MYO1B: variants seen among roughly 807,000 people sequenced by gnomAD.
MYO1B encodes the protein myosin IB, also known as unconventional myosin-Ib.
Under a neutral mutation model 159.7 loss-of-function variants are expected in MYO1B, and 72 were observed. That is an observed-to-expected ratio of 0.45 (90% CI 0.37 to 0.55). MYO1B has a LOEUF of 0.55. MYO1B is among the 20% of genes least tolerant of loss of function. MYO1B has a pLI of 0.00. For missense variants in MYO1B, 1,062 were observed against 1,364.8 expected, an observed-to-expected ratio of 0.78 and a Z score of 3.50; for synonymous variants, 468 against 473.8, an observed-to-expected ratio of 0.99 and a Z score of 0.16.
At chr2:191,403,544 A>C (rs1314169881) in intron 24 of MYO1B, among the ~76,000 whole-genome samples, 1 of 152,108 alleles carries the variant, frequency 6.6e-6, no homozygotes, top group Non-Finnish European at 1.5e-5. Flanking sequence ...TTTTACTTTA[A>C]TCCTATGACA....
At chr2:191,336,156 GAAACAT>G (rs1269868599) in intron 4 of MYO1B, among the ~76,000 whole-genome samples, 1 of 152,110 alleles carries the variant, frequency 6.6e-6, no homozygotes, top group Non-Finnish European at 1.5e-5. Flanking sequence ...CCAACGTTAG[GAAACAT>G]AATTATTTGG....
chr2:191,363,071 G>T (rs1356446), intron 9 of MYO1B, among the ~76,000 whole-genome samples: 2 of 151,974 alleles, frequency 1.3e-5, no homozygotes, highest in Non-Finnish European at 2.9e-5. Flanking sequence ...TCCCATTGCT[G>T]TGTAGCCTAG....
intron 2 of MYO1B, among the ~76,000 whole-genome samples, chr2:191,277,964 C>T (rs1395255744): frequency 6.6e-6 from 1 of 152,170 alleles, no homozygotes; most frequent in Non-Finnish European, 1.5e-5. Context: ...AGAGATAATA[C>T]AGTGATACAA....
rs556232706 is a variant in MYO1B at position 191,358,426 on chromosome 2, T to C, written c.563-2205T>C. 1.2e-4 allele frequency among the ~76,000 whole-genome samples: 18 copies of C among 152,378 alleles called. No individual in the cohort carries two copies. The South Asian group carries it at 3.5e-3, about 30-fold the overall frequency. The stretch of plus-strand genomic sequence containing the variant: ...ACTGATCATATCAGTGTGTGCAGTT[T>C]ACGAAGTACACTTTGCCAGCATTCC... On this transcript the variant is annotated intron_variant, in intron 7 of 30. Transcript: ENST00000392318.
At chr2:191,379,504 G>A (rs1231783869) in intron 13 of MYO1B, among the ~76,000 whole-genome samples, 2 of 152,182 alleles carry the variant, frequency 1.3e-5, no homozygotes, top group African/African-American at 4.8e-5. Context: ...CTGCTTGTGT[G>A]TATTTCATGG....
intron 17 of MYO1B, among the ~76,000 whole-genome samples, chr2:191,389,242 T>TA (rs1294910449): frequency 1.3e-5 from 2 of 152,230 alleles, no homozygotes; most frequent in Non-Finnish European, 2.9e-5. Flanking sequence ...AGCTAAGATG[T>TA]AGTTGTCCAC....
chr2:191,396,433 A>G lies in MYO1B; in HGVS notation c.2231A>G (p.Gln744Arg), dbSNP rs1247281251. ...IAAWYRRYAQ[Q>R]KRYQQTKSSA... Reference sequence around the variant, plus strand: ...TCTTCCCCTTTTATCCTACAGCAACAAAAGAGGTACCAGCAGACAAAGAGT... The same window carrying G: ...TCTTCCCCTTTTATCCTACAGCAACGAAAGAGGTACCAGCAGACAAAGAGT... Residue 744 changes from glutamine to arginine, a missense_variant, in exon 21 of 31, where the codon CAA becomes CGA. By Grantham distance (43) the Gln-to-Arg change is conservative. Around this residue, in one of 5 missense-constraint regions of MYO1B, gnomAD observed 609 missense variants for 744.4 expected, o/e 0.82. Coordinates refer to ENST00000392318, the MANE Select transcript of MYO1B (RefSeq NM_001130158.3). 1 of 1,614,174 alleles carries G rather than the reference A, an allele frequency of 6.2e-7. No individual in the cohort carries two copies. The highest frequency in any genetic ancestry group is 1.7e-5 in the Admixed American group (1 of 60,020).
intron 2 of MYO1B, among the ~76,000 whole-genome samples, chr2:191,288,451 AT>A: frequency 6.6e-6 from 1 of 152,174 alleles, no homozygotes; most frequent in Non-Finnish European, 1.5e-5. Context: ...TGGAGCACTC[AT>A]TAGACAGTAA....
chr2:191,403,751 A>G (rs1167647550), intron 24 of MYO1B, among the ~76,000 whole-genome samples: 1 of 152,206 alleles, frequency 6.6e-6, no homozygotes, highest in African/African-American at 2.4e-5. Context: ...AGTAATTAAG[A>G]AGTAACTTAA....
chr2:191,304,669 C>G (rs1689539442), intron 3 of MYO1B, among the ~76,000 whole-genome samples: 1 of 152,286 alleles, frequency 6.6e-6, no homozygotes, highest in Admixed American at 6.5e-5. Context: ...GATCATGAAG[C>G]TTTTAAAACT....
At chr2:191,332,437 A>G (rs1691551284) in intron 4 of MYO1B, among the ~76,000 whole-genome samples, 1 of 151,988 alleles carries the variant, frequency 6.6e-6, no homozygotes, top group Admixed American at 6.6e-5. Context: ...TTAAACTTAC[A>G]TGCAGAATAT....
At position 191,370,233 on chromosome 2, in the gene MYO1B, A is replaced by G. The variant is rs1232106611; in HGVS notation, c.1126A>G (p.Thr376Ala). Residue 376 changes from threonine to alanine, a missense_variant, in exon 13 of 31, where the codon ACA becomes GCA. Physicochemically the swap from Thr to Ala is moderately conservative, Grantham distance 58. Transcript: ENST00000392318. The part of the protein sequence containing the change: ...NRINESIKAQ[T>A]KVRKKVMGVL... ...AATTTGAAACTTTTTAAAGGCACAA[A>G]CAAAAGTGAGAAAGAAGGTCATGGG... 4 of 1,612,908 alleles carry G rather than the reference A, an allele frequency of 2.5e-6. No individual in the cohort carries two copies. In the African/African-American group the frequency reaches 5.3e-5, roughly 22 times the overall value.
chr2:191,409,061 G>A lies in MYO1B; in HGVS notation c.2649G>A (p.Leu883=), dbSNP rs761511434. The change falls in exon 26 of 31, where the codon TTG becomes TTA. Residue 883 remains leucine (L), a synonymous_variant. Coordinates refer to ENST00000392318, the MANE Select transcript of MYO1B (RefSeq NM_001130158.3). The part of the protein sequence containing the change: ...TLQRIVQKYF[L]EMKNKMPSLS... ...CAACACAGGTGCAAAAATACTTCTT[G>A]GAAATGAAAAATAAGATGCCTTCCT... 1.2e-6 allele frequency: 2 copies of A among 1,609,260 alleles called. No individual in the cohort carries two copies. Among genetic ancestry groups the A allele is most frequent in the Admixed American group, 3.4e-5 (2 of 59,070 alleles).
intron 26 of MYO1B, among the ~76,000 whole-genome samples, chr2:191,410,030 T>C (rs927131461): frequency 2.6e-5 from 4 of 152,216 alleles, no homozygotes; most frequent in Non-Finnish European, 5.9e-5. Flanking sequence ...GCTGATTAGC[T>C]TGATAAGTGG....
chr2:191,409,970 G>A lies in MYO1B; in HGVS notation c.2766+792G>A, dbSNP rs572371137. On this transcript the variant is annotated intron_variant, in intron 26 of 30. Coordinates refer to ENST00000392318, the MANE Select transcript of MYO1B (RefSeq NM_001130158.3). ...TCCAGGAAACTTTCCTGCCCAGCAC[G>A]GTGGGCTTGTTTTTTTGTTAGAATC... Among the ~76,000 whole-genome samples the A allele has an allele frequency of 2.0e-4, 30 of 152,218 alleles. No homozygotes were observed. The South Asian group carries it at 6.0e-3, about 31-fold the overall frequency.
rs74626997 is a variant in MYO1B, at chr2:191,380,824, G to C, written c.1186-638G>C. On this transcript the variant is annotated intron_variant, in intron 13 of 30. Transcript: ENST00000392318. ...CATACAGTCAGCCAATACATATTGA[G>C]AACTTGCTAGGTGTGAGGTGCTGTG... Among the ~76,000 whole-genome samples the C allele has an allele frequency of 4.7e-4, 71 of 152,238 alleles. No homozygotes were observed. The East Asian group carries it at 0.014, about 29-fold the overall frequency.
intron 19 of MYO1B, 72 bp downstream of exon 19, chr2:191,392,273 A>C: frequency 8.8e-7 from 1 of 1,142,354 alleles, no homozygotes; most frequent in Non-Finnish European, 1.3e-6. Flanking sequence ...AATATGTTTA[A>C]CTTTATAACA....
chr2:191,301,300 A>G (rs1427228986), intron 3 of MYO1B, among the ~76,000 whole-genome samples: 1 of 152,244 alleles, frequency 6.6e-6, no homozygotes, highest in Admixed American at 6.5e-5. Flanking sequence ...CAGTAACTGG[A>G]TTCATTGAGA....
chr2:191,360,750 G>A, intron 8 of MYO1B, 21 bp downstream of exon 8: 3 of 1,494,930 alleles, frequency 2.0e-6, no homozygotes, highest in Non-Finnish European at 2.7e-6. Flanking sequence ...GTTTCTATGT[G>A]GTGTTGTTGT....
Sources: allele counts gnomAD v4.1 joint callset (sites outside exome capture counted in the v4.1 genomes callset), GRCh38; gene constraint gnomAD v4.1.1; regional missense constraint gnomAD v4.1.1; transcripts MANE v1.5; gene names NCBI Gene and HGNC (gene_info 2026-07-23, HGNC 2026-07-21).